Variants in CSRNP3 observed in about 807,000 individuals in gnomAD.
The protein encoded by CSRNP3 is cysteine/serine-rich nuclear protein 3.
A neutral mutation model predicts 48.0 loss-of-function variants in CSRNP3; 12 were observed. The ratio of observed to expected loss-of-function variants is 0.25; its 90% CI spans 0.16 to 0.41. CSRNP3 has a LOEUF of 0.41. Among genes scored for constraint, CSRNP3 ranks in the 10% least tolerant of loss-of-function variants. CSRNP3 has a pLI of 1.00. For synonymous variants in CSRNP3, 263 were observed against 269.7 expected (o/e 0.98, Z 0.24); for missense variants, 580 against 724.4 (o/e 0.80, Z 2.29).
At chr2:165,525,833 T>C (rs1684726205) in intron 3 of CSRNP3, among the ~76,000 whole-genome samples, 1 of 152,140 alleles carries the variant, frequency 6.6e-6, no homozygotes, top group South Asian at 2.1e-4. Context: ...GTCACAATGA[T>C]TTTCAACTAT....
At chr2:165,498,373 C>A (rs777554832) in intron 2 of CSRNP3, among the ~76,000 whole-genome samples, 1 of 151,938 alleles carries the variant, frequency 6.6e-6, no homozygotes, top group Non-Finnish European at 1.5e-5. Flanking sequence ...GATGCCTGGA[C>A]TCCCTGAAAA....
intron 4 of CSRNP3, among the ~76,000 whole-genome samples, chr2:165,650,781 A>T (rs777763643): frequency 2.1e-5 from 3 of 141,250 alleles, no homozygotes; most frequent in Non-Finnish European, 4.9e-5. Context: ...ACTAAGTTTC[A>T]TCTAAATAAA....
intron 3 of CSRNP3, among the ~76,000 whole-genome samples, chr2:165,582,598 A>G (rs1285934025): frequency 1.3e-5 from 2 of 152,210 alleles, no homozygotes; most frequent in Non-Finnish European, 2.9e-5. Context: ...CTGACGGTAA[A>G]AGGAATGTTG....
At chr2:165,587,928 G>A (rs1685657804) in intron 3 of CSRNP3, among the ~76,000 whole-genome samples, 1 of 152,108 alleles carries the variant, frequency 6.6e-6, no homozygotes, top group Non-Finnish European at 1.5e-5. Context: ...TTAAATTATG[G>A]AAATTAAAGG....
chr2:165,668,545 G>A (rs1201401716), intron 5 of CSRNP3, among the ~76,000 whole-genome samples: 2 of 151,862 alleles, frequency 1.3e-5, no homozygotes. Flanking sequence ...GGGACTGCAG[G>A]TGCCTGCCAT....
intron 3 of CSRNP3, among the ~76,000 whole-genome samples, chr2:165,587,611 T>C (rs1360032908): frequency 1.3e-5 from 2 of 152,350 alleles, no homozygotes; most frequent in Admixed American, 6.5e-5. Context: ...AGAAGGAATT[T>C]TTATAGCCAT....
intron 4 of CSRNP3, among the ~76,000 whole-genome samples, chr2:165,632,656 A>G (rs1686558595): frequency 1.3e-5 from 2 of 152,266 alleles, no homozygotes; most frequent in Non-Finnish European, 2.9e-5. Context: ...TTTATGTTTA[A>G]ATAGAGTCTC....
At chr2:165,621,531 G>T (rs776114440) in intron 4 of CSRNP3, among the ~76,000 whole-genome samples, 1 of 152,156 alleles carries the variant, frequency 6.6e-6, no homozygotes, top group East Asian at 1.9e-4. Context: ...TAAAAAGTAC[G>T]TGAAGTAGCA....
At chr2:165,580,233 A>G (rs947273552) in intron 3 of CSRNP3, among the ~76,000 whole-genome samples, 6 of 152,118 alleles carry the variant, frequency 3.9e-5, no homozygotes, top group Non-Finnish European at 7.4e-5. Flanking sequence ...GTGAATGTCC[A>G]AGTTTCAAAA....
intron 3 of CSRNP3, among the ~76,000 whole-genome samples, chr2:165,566,086 C>A (rs564515543): frequency 6.6e-6 from 1 of 152,000 alleles, no homozygotes; most frequent in South Asian, 2.1e-4. Flanking sequence ...TTTTAAGAGT[C>A]TCCTGAGTTA....
intron 3 of CSRNP3, among the ~76,000 whole-genome samples, chr2:165,534,246 A>AT (rs913458919): frequency 6.6e-6 from 1 of 151,992 alleles, no homozygotes; most frequent in African/African-American, 2.4e-5. Context: ...CTAAAATTAA[A>AT]TTTGCTGAAT....
chr2:165,524,232 G>A (rs1318272074), intron 3 of CSRNP3, among the ~76,000 whole-genome samples: 1 of 152,104 alleles, frequency 6.6e-6, no homozygotes, highest in Non-Finnish European at 1.5e-5. Flanking sequence ...GAGGAGGGAA[G>A]GACGATGGCT....
Position 165,566,148 on chromosome 2 carries a change from A to G in CSRNP3, c.-23-28895A>G, listed in dbSNP as rs11893928. On this transcript the variant is annotated intron_variant, in intron 3 of 6. Transcript: ENST00000651982. ...CCAGTCAAATACCTTGTATGACTAC[A>G]GACAGACTCTAAGATGCGTTTCAAA... Among the ~76,000 whole-genome samples the G allele has an allele frequency of 7.2e-3, 1,093 of 152,086 alleles. 13 individuals carry two copies. The highest frequency in any genetic ancestry group is 0.025 in the African/African-American group (1,055 of 41,516).
chr2:165,587,098 T>G (rs548726488), intron 3 of CSRNP3, among the ~76,000 whole-genome samples: 68 of 152,316 alleles, frequency 4.5e-4, no homozygotes, highest in African/African-American at 1.5e-3. Context: ...TTCTGCTACT[T>G]TTTCATAAAT....
intron 5 of CSRNP3, among the ~76,000 whole-genome samples, chr2:165,663,830 C>T (rs535113000): frequency 6.6e-6 from 1 of 152,192 alleles, no homozygotes; most frequent in South Asian, 2.1e-4. Context: ...ATTTGGCAAA[C>T]ATGACAAATT....
intron 3 of CSRNP3, among the ~76,000 whole-genome samples, chr2:165,588,549 T>C (rs1685667730): frequency 6.6e-6 from 1 of 152,232 alleles, no homozygotes; most frequent in South Asian, 2.1e-4. Flanking sequence ...TGGACAACGA[T>C]AGCTGTGATA....
At chr2:165,631,880 T>C (rs1686543563) in intron 4 of CSRNP3, among the ~76,000 whole-genome samples, 1 of 152,248 alleles carries the variant, frequency 6.6e-6, no homozygotes, top group Non-Finnish European at 1.5e-5. Flanking sequence ...AGAGACTGAA[T>C]GGCTCACAAA....
Position 165,540,389 on chromosome 2 carries a change from C to T in CSRNP3, c.-24+22428C>T, listed in dbSNP as rs372054625. 1.6e-4 allele frequency among the ~76,000 whole-genome samples: 24 copies of T among 152,080 alleles called. No individual in the cohort carries two copies. In the East Asian group the frequency reaches 4.5e-3, roughly 28 times the overall value. ...AGAAGCTTATAAAGTTTCTCTTTTC[C>T]TCTATTTGGTAGTCTTTTACCCAGT... On this transcript the variant is annotated intron_variant, in intron 3 of 6. Transcript: ENST00000651982.
chr2:165,496,521 C>T (rs1684285525), intron 2 of CSRNP3, among the ~76,000 whole-genome samples: 1 of 152,016 alleles, frequency 6.6e-6, no homozygotes. Context: ...AGAATGAGTC[C>T]ACTGGATATT....
Sources: gnomAD v4.1 joint callset for allele counts (sites outside exome capture counted in the v4.1 genomes callset) on GRCh38, gnomAD v4.1.1 for gene constraint, MANE v1.5 for transcripts, NCBI Gene and HGNC (gene_info 2026-07-23, HGNC 2026-07-21) for gene names.